The following RBM18 variants were observed in gnomAD, a reference collection of about 807,000 sequenced individuals.
RBM18 encodes probable RNA-binding protein 18.
Under a neutral mutation model 26.4 loss-of-function variants are expected in RBM18, and 18 were observed. The observed-to-expected ratio is 0.68, with a 90% CI of 0.47 to 1.01. RBM18 has a LOEUF of 1.01. Among genes scored for constraint, RBM18 ranks in the 50% least tolerant of loss-of-function variants. RBM18 has a pLI of 0.00. For synonymous variants in RBM18, 74 were observed against 81.1 expected, an observed-to-expected ratio of 0.91 and a Z score of 0.47; for missense variants, 180 against 219.2, an observed-to-expected ratio of 0.82 and a Z score of 1.13.
chr9:122,246,241 G>A (rs1831503673), intron 4 of RBM18, among the ~76,000 whole-genome samples: 1 of 152,154 alleles, frequency 6.6e-6, no homozygotes, highest in Admixed American at 6.5e-5. Flanking sequence ...CTCCTGGGCT[G>A]AAGCGATCCT....
chr9:122,261,431 A>G lies in RBM18; in HGVS notation c.62T>C (p.Leu21Pro). 1 of 1,614,202 alleles carries G rather than the reference A, an allele frequency of 6.2e-7. No individual in the cohort carries two copies. Among genetic ancestry groups the G allele is most frequent in the East Asian group, 2.2e-5 (1 of 44,878 alleles). Residue 21 changes from leucine (L) to proline (P), a missense_variant, in exon 2 of 6, where the codon CTG becomes CCG. By Grantham distance (98) the Leu-to-Pro change is moderately conservative. This residue lies in a region of RBM18 where 49 missense variants were observed against 56.6 expected (regional missense o/e 0.87). Transcript: ENST00000417201. ...AATCCATAATCGGTGTCCTTCCTGC[A>G]GAGAGCCCTCTGAAAGGATGGATGC... is the stretch of plus-strand genomic sequence containing the variant. ...ENASILSEGS[L>P]QEGHRLWIGN...
At chr9:122,261,905 C>T (rs1416282553) in intron 1 of RBM18, among the ~76,000 whole-genome samples, 2 of 152,160 alleles carry the variant, frequency 1.3e-5, no homozygotes, top group Non-Finnish European at 2.9e-5. Context: ...TAGGGAAGAG[C>T]AGCACTCCAT....
chr9:122,263,766 G>A (rs1831882615), intron 1 of RBM18, among the ~76,000 whole-genome samples: 1 of 152,116 alleles, frequency 6.6e-6, no homozygotes, highest in Admixed American at 6.5e-5. Flanking sequence ...CTAAAATCAG[G>A]AATAATACCA....
chr9:122,244,245 G>A (rs1264857663), intron 5 of RBM18, among the ~76,000 whole-genome samples: 1 of 152,080 alleles, frequency 6.6e-6, no homozygotes, highest in African/African-American at 2.4e-5. Flanking sequence ...CTTCCCTTGG[G>A]TTTAATGAGA....
intron 1 of RBM18, among the ~76,000 whole-genome samples, chr9:122,262,414 G>A (rs1587982754): frequency 7.6e-6 from 1 of 131,866 alleles, no homozygotes; most frequent in Non-Finnish European, 1.6e-5. Context: ...TGGCACCTAG[G>A]AAGCATTCAA....
chr9:122,257,670 A>T (rs1564458647), intron 2 of RBM18, among the ~76,000 whole-genome samples: 2 of 152,264 alleles, frequency 1.3e-5, no homozygotes, highest in East Asian at 3.9e-4. Context: ...GTGGTTATTT[A>T]AAAAAAATTG....
intron 3 of RBM18, 125 bp from the exon 4 acceptor site, chr9:122,247,729 G>C: frequency 1.4e-6 from 1 of 717,148 alleles, no homozygotes. Flanking sequence ...TAAATAACTG[G>C]CAAGGGTTTA....
chr9:122,256,311 C>T (rs1412512011), intron 2 of RBM18, among the ~76,000 whole-genome samples: 1 of 152,144 alleles, frequency 6.6e-6, no homozygotes, highest in Non-Finnish European at 1.5e-5. Context: ...ACTTATAGGC[C>T]TTTATTTACG....
At chr9:122,257,610 T>C (rs1831719301) in intron 2 of RBM18, among the ~76,000 whole-genome samples, 2 of 152,064 alleles carry the variant, frequency 1.3e-5, no homozygotes, top group Non-Finnish European at 2.9e-5. Context: ...CACACACACA[T>C]AGAATGACTA....
intron 4 of RBM18, 22 bp downstream of exon 4, chr9:122,247,496 C>T (rs1588379771): frequency 1.2e-6 from 2 of 1,601,220 alleles, no homozygotes; most frequent in Non-Finnish European, 8.6e-7. Flanking sequence ...GGCTTGATGT[C>T]TTTCTAGCCT....
At chr9:122,252,765 G>T (rs1019986142) in intron 2 of RBM18, among the ~76,000 whole-genome samples, 1 of 152,194 alleles carries the variant, frequency 6.6e-6, no homozygotes, top group African/African-American at 2.4e-5. Context: ...GATGGTCAAG[G>T]GAGAAATTTA....
Position 122,251,950 on chromosome 9 carries a change from T to C in RBM18, c.137A>G (p.Gln46Arg). 1 of 1,614,138 alleles carries C rather than the reference T, an allele frequency of 6.2e-7. No homozygotes were observed. The highest frequency in any genetic ancestry group is 1.7e-4 in the Middle Eastern group (1 of 6,060). ...AAACTGCTTTACCTTGCCAAACTTC[T>C]GGAGGAGCTTGAGGAGGTGGTATCT... is the stretch of plus-strand genomic sequence containing the variant. ...ITEYHLLKLL[Q>R]KFGKVKQFDF... is the part of the protein sequence containing the mutation. The change falls in exon 3 of 6, where the codon CAG (glutamine) becomes CGG (arginine). Residue 46 changes from glutamine to arginine, a missense_variant. Transcript: ENST00000417201.
intron 3 of RBM18, among the ~76,000 whole-genome samples, chr9:122,248,028 C>T (rs1055287566): frequency 4.6e-5 from 7 of 151,970 alleles, no homozygotes; most frequent in Admixed American, 2.6e-4. Flanking sequence ...CTTAATGATC[C>T]GCCCCCTCGG....
At chr9:122,243,501 C>T (rs191969314) in intron 5 of RBM18, among the ~76,000 whole-genome samples, 3 of 152,210 alleles carry the variant, frequency 2.0e-5, no homozygotes, top group South Asian at 2.1e-4. Context: ...AGAGAAGTTG[C>T]GAGGAATTTG....
rs1831422018 is a variant in RBM18, at chr9:122,241,571, G to C, written c.*313C>G. 4.6e-6 allele frequency: 1 copy of C among 219,436 alleles called. No homozygotes were observed. Among genetic ancestry groups the C allele is most frequent in the Non-Finnish European group, 8.8e-6 (1 of 113,056 alleles). 13.6% of individuals were successfully genotyped at this position (219,436 alleles called of 1,614,324 possible). A position where few individuals can be genotyped will look rare whatever the true frequency, so the allele number is the denominator to read the frequency against. Reference sequence around the variant, plus strand: ...TTTCCTGATTTAAATAATATTTTGTGTATTTGCCTTTTGCTCTGGCACACT... The same window carrying C: ...TTTCCTGATTTAAATAATATTTTGTCTATTTGCCTTTTGCTCTGGCACACT... On this transcript the variant is annotated 3_prime_UTR_variant, in exon 6 of 6. Coordinates refer to ENST00000417201, the MANE Select transcript of RBM18 (RefSeq NM_033117.4).
intron 3 of RBM18, among the ~76,000 whole-genome samples, chr9:122,249,814 G>C (rs376125679): frequency 7.9e-5 from 12 of 151,032 alleles, no homozygotes; most frequent in Admixed American, 2.6e-4. Flanking sequence ...CTCACACCTG[G>C]AATCCCAGCA....
intron 2 of RBM18, among the ~76,000 whole-genome samples, chr9:122,259,717 C>T (rs1238744978): frequency 1.3e-5 from 2 of 152,102 alleles, no homozygotes; most frequent in African/African-American, 2.4e-5. Flanking sequence ...TTCCTCATCT[C>T]CTCCCTTCAC....
At chr9:122,264,329 C>T (rs1477623112) in intron 1 of RBM18, among the ~76,000 whole-genome samples, 1 of 152,172 alleles carries the variant, frequency 6.6e-6, no homozygotes, top group Non-Finnish European at 1.5e-5. Flanking sequence ...CAAGACGGCA[C>T]GGGACTATCA....
intron 2 of RBM18, among the ~76,000 whole-genome samples, chr9:122,258,488 C>T (rs1017340812): frequency 1.3e-5 from 2 of 152,102 alleles, no homozygotes; most frequent in African/African-American, 4.8e-5. Context: ...AGGATGGTCT[C>T]GATTTCCTAA....
Sources: gnomAD v4.1 joint callset for allele counts (sites outside exome capture counted in the v4.1 genomes callset) on GRCh38, gnomAD v4.1.1 for gene constraint, gnomAD v4.1.1 regional missense constraint, MANE v1.5 for transcripts, NCBI Gene and HGNC (gene_info 2026-07-23, HGNC 2026-07-21) for gene names.